HSP90B1: variants seen among roughly 807,000 people sequenced by gnomAD.
HSP90B1 encodes the protein heat shock protein 90 beta family member 1.
Under a neutral mutation model 100.4 loss-of-function variants are expected in HSP90B1, and 27 were observed. That is an observed-to-expected ratio of 0.27 (90% CI 0.20 to 0.37). The LOEUF is 0.37. Ranked by LOEUF, HSP90B1 falls within the 10% of genes least tolerant of loss-of-function variation. The probability of loss-of-function intolerance (pLI) is 1.00; values close to 1 mark genes in which losing one functional copy is unlikely to be tolerated. For synonymous variants in HSP90B1, 304 were observed against 330.8 expected, an observed-to-expected ratio of 0.92 and a Z score of 0.88; for missense variants, 678 against 960.5, an observed-to-expected ratio of 0.71 and a Z score of 3.89.
Position 103,941,715 on chromosome 12 carries a change from C to A in HSP90B1, c.1308+9C>A. ...ATTTTGTCAAGGGTGTGGTAAGTAT[C>A]TGAAGTTTGGGAGAAGGGGTGATTG... On this transcript the variant is annotated intron_variant, in intron 10 of 17. Coordinates refer to ENST00000299767, the MANE Select transcript of HSP90B1 (RefSeq NM_003299.3). 1 of 1,613,206 alleles carries A rather than the reference C, an allele frequency of 6.2e-7. No homozygotes were observed.
chr12:103,946,977 GC>G, intron 16 of HSP90B1, 36 bp downstream of exon 16: 1 of 1,589,094 alleles, frequency 6.3e-7, no homozygotes, highest in African/African-American at 1.4e-5. Context: ...AGGCTGGCTG[GC>G]TTTCTTTGTT....
chr12:103,931,650 A>T, intron 2 of HSP90B1, 27 bp downstream of exon 2: 1 of 1,504,220 alleles, frequency 6.6e-7, no homozygotes. Context: ...ACTTACGTAT[A>T]CAGATAAGCC....
intron 17 of HSP90B1, 81 bp downstream of exon 17, chr12:103,947,511 CTG>C (rs1399991303): frequency 9.9e-6 from 16 of 1,609,210 alleles, no homozygotes; most frequent in Non-Finnish European, 1.3e-5. Context: ...AAAGTTAAGA[CTG>C]TGTAACTTAC....
chr12:103,943,806 A>G lies in HSP90B1; in HGVS notation c.1959A>G (p.Gly653=), dbSNP rs1476356562. 1 of 1,614,088 alleles carries G rather than the reference A, an allele frequency of 6.2e-7. No homozygotes were observed. The highest frequency in any genetic ancestry group is 1.1e-5 in the South Asian group (1 of 91,084). ...GTGCTTTGGTGGCCAGCCAGTACGG[A>G]TGGTCTGGCAACATGGAGAGAATCA... ...SPCALVASQY[G]WSGNMERIMK... is the part of the protein sequence containing the mutation. The change falls in exon 14 of 18, where the codon GGA becomes GGG. Residue 653 remains glycine, a synonymous_variant. Coordinates refer to ENST00000299767, the MANE Select transcript of HSP90B1 (RefSeq NM_003299.3). The surrounding 1 kb of genome is among the most constrained non-coding windows in gnomAD (Gnocchi z 5.3).
Position 103,932,808 on chromosome 12 carries a change from C to T in HSP90B1, c.295-18C>T. 1 of 1,242,662 alleles carries T rather than the reference C, an allele frequency of 8.0e-7. No individual in the cohort carries two copies. The highest frequency in any genetic ancestry group is 1.5e-5 in the African/African-American group (1 of 67,656). 77.0% of individuals were successfully genotyped at this position (1,242,662 alleles called of 1,614,324 possible). On this transcript the variant is annotated intron_variant, in intron 3 of 17. Coordinates refer to ENST00000299767, the MANE Select transcript of HSP90B1 (RefSeq NM_003299.3). The stretch of plus-strand genomic sequence containing the variant: ...TCTTGAGGATAGTCTAAGTGTATTC[C>T]CTCTGGCTTCCATTTAGATTTTCCT...
In HSP90B1 at chr12:103,930,619, G is replaced by A; in HGVS notation, c.49+55G>A. The A allele has an allele frequency of 6.4e-7, 1 of 1,550,880 alleles. No individual in the cohort carries two copies. The highest frequency in any genetic ancestry group is 8.8e-7 in the Non-Finnish European group (1 of 1,142,354). ...CCCTCCACACACGCGGCCGCTTCTC[G>A]AAGGTCCTGGGGGCGTTGAACGTGG... On this transcript the variant is annotated intron_variant, in intron 1 of 17. Transcript: ENST00000299767. This position sits in a 1 kb window ranked among gnomAD's most constrained non-coding sequence, Gnocchi z 4.4.
At chr12:103,934,362 C>A in intron 5 of HSP90B1, 75 bp downstream of exon 5, 2 of 1,167,796 alleles carry the variant, frequency 1.7e-6, no homozygotes, top group Non-Finnish European at 2.5e-6. Flanking sequence ...ATTCTCTGAG[C>A]AAATGACTTA....
chr12:103,939,415 C>T, intron 7 of HSP90B1, 94 bp from the exon 8 acceptor site: 1 of 601,192 alleles, frequency 1.7e-6, no homozygotes, highest in South Asian at 2.4e-5. Context: ...TGGGTCTTTA[C>T]ATAGTCTTTT....
Position 103,930,786 on chromosome 12 carries a change from G to T in HSP90B1, c.49+222G>T, listed in dbSNP as rs1869727649. Among the ~76,000 whole-genome samples, 1 of 152,188 alleles carries T rather than the reference G, an allele frequency of 6.6e-6. No homozygotes were observed. Among genetic ancestry groups the T allele is most frequent in the South Asian group, 2.1e-4 (1 of 4,832 alleles). On this transcript the variant is annotated intron_variant, in intron 1 of 17. Coordinates refer to ENST00000299767, the MANE Select transcript of HSP90B1 (RefSeq NM_003299.3). The surrounding 1 kb of genome is among the most constrained non-coding windows in gnomAD (Gnocchi z 4.4). ...ATCTAACTGCCCTACAGATCTAATAGTATCTCGCCCGGAGGTCTCAGCGAC... is the reference window on the plus strand; with the variant it reads ...ATCTAACTGCCCTACAGATCTAATATTATCTCGCCCGGAGGTCTCAGCGAC...
Position 103,930,668 on chromosome 12 carries a change from G to A in HSP90B1, c.49+104G>A. On this transcript the variant is annotated intron_variant, in intron 1 of 17. Coordinates refer to ENST00000299767, the MANE Select transcript of HSP90B1 (RefSeq NM_003299.3). This position sits in a 1 kb window ranked among gnomAD's most constrained non-coding sequence, Gnocchi z 4.4. Reference sequence around the variant, plus strand: ...GGGAGGGGGGATCCCGGGGCCTGCGGTGGGCCAAGGGACGTCACCATTCCT... The same window carrying A: ...GGGAGGGGGGATCCCGGGGCCTGCGATGGGCCAAGGGACGTCACCATTCCT... The A allele has an allele frequency of 1.9e-6, 2 of 1,071,972 alleles. No homozygotes were observed. Among genetic ancestry groups the A allele is most frequent in the Non-Finnish European group, 2.7e-6 (2 of 732,546 alleles). The allele number at this position is 1,071,972 out of a possible 1,614,324, so 66.4% of individuals were successfully genotyped here.
chr12:103,942,430 A>G (rs1870106037), intron 11 of HSP90B1, 97 bp from the exon 12 acceptor site: 4 of 1,089,414 alleles, frequency 3.7e-6, no homozygotes, highest in Non-Finnish European at 5.3e-6. Context: ...CAATAACGAT[A>G]TCGTCTTTGT....
rs754385043 is a variant in HSP90B1 at position 103,946,910 on chromosome 12, G to A, written c.2231G>A (p.Arg744His). 1.2e-5 allele frequency: 20 copies of A among 1,613,706 alleles called. No homozygotes were observed. The East Asian group carries it at 2.7e-4, about 22-fold the overall frequency. The change falls in exon 16 of 18, where the codon CGC becomes CAC. Residue 744 changes from arginine (R) to histidine (H), a missense_variant. Physicochemically the swap from Arg to His is conservative, Grantham distance 29. Transcript: ENST00000299767. The stretch of plus-strand genomic sequence containing the variant: ...GGAGATAGAATAGAAAGAATGCTTC[G>A]CCTCAGTTTGAACATTGACCCTGAT... ...AYGDRIERMLRLSLNIDPDAK... is the reference protein window; with the variant it reads ...AYGDRIERMLHLSLNIDPDAK...
At position 103,943,961 on chromosome 12, in the gene HSP90B1, G is replaced by A; in HGVS notation, c.2027+87G>A. 1 of 1,307,520 alleles carries A rather than the reference G, an allele frequency of 7.6e-7. No homozygotes were observed. Among genetic ancestry groups the A allele is most frequent in the Non-Finnish European group, 1.0e-6 (1 of 967,192 alleles). The allele number at this position is 1,307,520 out of a possible 1,614,324, so 81.0% of individuals were successfully genotyped here. ...GATAATACCAGCTTCAATACAAAGA[G>A]TAAAATTGCCTTAAATGTCTACCAC... On this transcript the variant is annotated intron_variant, in intron 14 of 17. Transcript: ENST00000299767. This position sits in a 1 kb window ranked among gnomAD's most constrained non-coding sequence, Gnocchi z 5.3.
Position 103,943,473 on chromosome 12 carries a change from A to C in HSP90B1, c.1890+154A>C, listed in dbSNP as rs1566167778. 2 of 763,464 alleles carry C rather than the reference A, an allele frequency of 2.6e-6. No individual in the cohort carries two copies. Among genetic ancestry groups the C allele is most frequent in the East Asian group, 2.7e-5 (1 of 36,886 alleles). 47.3% of individuals were successfully genotyped at this position (763,464 alleles called of 1,614,324 possible). Reference sequence around the variant, plus strand: ...TTAAATTATTGGGAGAAAGCTTAAAACTTTCGACAATACTGCTTTGTTAAT... The same window carrying C: ...TTAAATTATTGGGAGAAAGCTTAAACCTTTCGACAATACTGCTTTGTTAAT... On this transcript the variant is annotated intron_variant, in intron 13 of 17. Coordinates refer to ENST00000299767, the MANE Select transcript of HSP90B1 (RefSeq NM_003299.3). The surrounding 1 kb of genome is among the most constrained non-coding windows in gnomAD (Gnocchi z 5.3).
intron 11 of HSP90B1, 25 bp from the exon 12 acceptor site, chr12:103,942,502 T>C (rs1870107960): frequency 6.2e-7 from 1 of 1,605,780 alleles, no homozygotes. Flanking sequence ...ACTTCTCTAA[T>C]CAGTTATTCT....
intron 5 of HSP90B1, among the ~76,000 whole-genome samples, chr12:103,934,788 G>A (rs1869863220): frequency 6.6e-6 from 1 of 152,170 alleles, no homozygotes. Context: ...CACAACCTCC[G>A]CTTCCTGGGT....
rs113895379 is a variant in HSP90B1, at chr12:103,933,041, CA to C, written c.411+106del. 373 of 654,072 alleles carry C rather than the reference CA, an allele frequency of 5.7e-4. No individual in the cohort carries two copies. The African/African-American group carries it at 6.1e-3, about 11-fold the overall frequency. The allele number at this position is 654,072 out of a possible 1,614,324, so 40.5% of individuals were successfully genotyped here. ...GATAGGCTAGATTATTTTGCAGTGGCAAAAAAACCCCAAGTCTCAGTGGCTT... is the reference window on the plus strand; with the variant it reads ...GATAGGCTAGATTATTTTGCAGTGGCAAAAAACCCCAAGTCTCAGTGGCTT... On this transcript the variant is annotated intron_variant, in intron 4 of 17. Transcript: ENST00000299767.
Position 103,947,343 on chromosome 12 carries a change from GACAGCAGAAGAC to G in HSP90B1, c.2299_2310del (p.Ala767_Thr770del), listed in dbSNP as rs1188715913. ...AAGAGCCCGAAGAAGAACCTGAAGA[GACAGCAGAAGAC>G]ACAACAGAAGACACAGAGCAAGACG... On this transcript the variant is annotated inframe_deletion, in exon 17 of 18. Transcript: ENST00000299767. 4 of 1,603,312 alleles carry G rather than the reference GACAGCAGAAGAC, an allele frequency of 2.5e-6. No homozygotes were observed. The Admixed American group carries it at 6.8e-5, about 27-fold the overall frequency.
In HSP90B1 at chr12:103,943,753, G is replaced by A. The variant is rs377323380; in HGVS notation, c.1906G>A (p.Val636Met). ...TTTCCCTAAGATTGAAAAGGCTGTG[G>A]TGTCTCAGCGCCTGACAGAATCTCC... ...ALKDKIEKAV[V>M]SQRLTESPCA... Residue 636 changes from valine (V) to methionine (M), a missense_variant, in exon 14 of 18, where the codon GTG (valine) becomes ATG (methionine). Val to Met is a conservative substitution (Grantham distance 21). This residue lies in a region of HSP90B1 where 170 missense variants were observed against 236.7 expected (regional missense o/e 0.72). Transcript: ENST00000299767. This position sits in a 1 kb window ranked among gnomAD's most constrained non-coding sequence, Gnocchi z 5.3. The A allele has an allele frequency of 6.2e-6, 10 of 1,613,586 alleles. No homozygotes were observed. Among genetic ancestry groups the A allele is most frequent in the Non-Finnish European group, 7.6e-6 (9 of 1,179,854 alleles).
Sources: gnomAD v4.1 joint callset for allele counts (sites outside exome capture counted in the v4.1 genomes callset) on GRCh38, gnomAD v4.1.1 for gene constraint, gnomAD v4.1.1 regional missense constraint, Gnocchi (gnomAD v3.1) non-coding constraint, MANE v1.5 for transcripts, NCBI Gene and HGNC (gene_info 2026-07-23, HGNC 2026-07-21) for gene names.